The following GOLGA3 variants were observed in gnomAD, a reference collection of about 807,000 sequenced individuals.
GOLGA3 encodes the protein golgin A3.
In GOLGA3, 75 loss-of-function variants were observed where a neutral mutation model predicts 169.4. The ratio of observed to expected loss-of-function variants is 0.44; its 90% CI spans 0.37 to 0.54. The LOEUF is 0.54. Among genes scored for constraint, GOLGA3 ranks in the 20% least tolerant of loss-of-function variants. GOLGA3 has a pLI of 0.00. For synonymous variants in GOLGA3, 824 were observed against 822.4 expected (o/e 1.00, Z -0.03); for missense variants, 1,899 against 1,930.0 (o/e 0.98, Z 0.30).
rs2044882550 is a variant in GOLGA3 at position 132,771,191 on chromosome 12, T to A, written c.*1914A>T. Reference sequence around the variant, plus strand: ...TTTAAATACCAAACATCTTTGTGGTTAATGCTACCTTAACCTTACCAATTA... The same window carrying A: ...TTTAAATACCAAACATCTTTGTGGTAAATGCTACCTTAACCTTACCAATTA... On this transcript the variant is annotated 3_prime_UTR_variant, in exon 24 of 24. Transcript: ENST00000450791. The A allele has an allele frequency of 6.5e-6, 1 of 152,678 alleles. No homozygotes were observed. Among genetic ancestry groups the A allele is most frequent in the Non-Finnish European group, 1.5e-5 (1 of 68,054 alleles). The allele number at this position is 152,678 out of a possible 1,614,324, so 9.5% of individuals were successfully genotyped here.
chr12:132,826,239 C>CAAA, intron 1 of GOLGA3: 3 of 983,196 alleles, frequency 3.1e-6, no homozygotes, highest in South Asian at 5.6e-5. Context: ...TTCTCATTCT[C>CAAA]CAAAAAAAAA....
rs371525132 is a variant in GOLGA3 at position 132,821,625 on chromosome 12, C to A, written c.133+371G>T. On this transcript the variant is annotated intron_variant, in intron 2 of 23. Transcript: ENST00000450791. ...CAGCACTTTGAGGCTGAGGCTGAGG[C>A]GGGCGGATCACGAAGTCAGGAGATC... is the stretch of plus-strand genomic sequence containing the variant. Among the ~76,000 whole-genome samples the A allele has an allele frequency of 7.9e-5, 12 of 151,898 alleles. No individual in the cohort carries two copies. The East Asian group carries it at 1.9e-3, about 25-fold the overall frequency.
At chr12:132,809,773 TC>T (rs1472431571) in intron 4 of GOLGA3, among the ~76,000 whole-genome samples, 1 of 152,214 alleles carries the variant, frequency 6.6e-6, no homozygotes, top group African/African-American at 2.4e-5. Context: ...TCATATATAA[TC>T]ATATCTAAGA....
At chr12:132,818,140 C>A (rs928008969) in intron 2 of GOLGA3, among the ~76,000 whole-genome samples, 3 of 150,466 alleles carry the variant, frequency 2.0e-5, no homozygotes, top group East Asian at 2.0e-4. Flanking sequence ...GTGAACCCAC[C>A]CTCCACTCCT....
Position 132,777,943 on chromosome 12 carries a change from A to G in GOLGA3, c.3583-138T>C. On this transcript the variant is annotated intron_variant, in intron 18 of 23. Transcript: ENST00000450791. The surrounding 1 kb of genome is among the most constrained non-coding windows in gnomAD (Gnocchi z 4.7). ...GCGTGTGCTTCTCCACAGGCCTGTC[A>G]AGTTCCTTGTAAAGATGAAACCACC... is the stretch of plus-strand genomic sequence containing the variant. 3.3e-6 allele frequency: 3 copies of G among 915,770 alleles called. No homozygotes were observed. Among genetic ancestry groups the G allele is most frequent in the Non-Finnish European group, 3.2e-6 (2 of 621,288 alleles). 56.7% of individuals were successfully genotyped at this position (915,770 alleles called of 1,614,324 possible).
At chr12:132,818,490 C>T (rs1950084050) in intron 2 of GOLGA3, among the ~76,000 whole-genome samples, 1 of 152,114 alleles carries the variant, frequency 6.6e-6, no homozygotes, top group Non-Finnish European at 1.5e-5. Flanking sequence ...CAAACTCCTC[C>T]CCATTCACCA....
At chr12:132,784,380 C>A in intron 15 of GOLGA3, 73 bp from the exon 16 acceptor site, 1 of 1,304,894 alleles carries the variant, frequency 7.7e-7, no homozygotes, top group Non-Finnish European at 1.1e-6. Context: ...GTGGTGCCGG[C>A]AGGCATGAGG....
At position 132,804,582 on chromosome 12, in the gene GOLGA3, A is replaced by G. The variant is rs2136563743; in HGVS notation, c.1597+134T>C. ...GAGGAAGGAGGGAGCAGCGGGGACC[A>G]GTCGAGGAAGGAGGAGGGAGCAGCA... On this transcript the variant is annotated intron_variant, in intron 7 of 23. Transcript: ENST00000450791. The surrounding 1 kb of genome is among the most constrained non-coding windows in gnomAD (Gnocchi z 4.1). The G allele has an allele frequency of 1.4e-6, 1 of 709,712 alleles. No individual in the cohort carries two copies. The highest frequency in any genetic ancestry group is 2.4e-6 in the Non-Finnish European group (1 of 422,984). The allele number at this position is 709,712 out of a possible 1,614,324, so 44.0% of individuals were successfully genotyped here.
At position 132,813,427 on chromosome 12, in the gene GOLGA3, G is replaced by C; in HGVS notation, c.407-8C>G. 3 of 1,501,162 alleles carry C rather than the reference G, an allele frequency of 2.0e-6. No individual in the cohort carries two copies. In the South Asian group the frequency reaches 3.5e-5, roughly 17 times the overall value. The allele number at this position is 1,501,162 out of a possible 1,614,324, so 93.0% of individuals were successfully genotyped here. A position where few individuals can be genotyped will look rare whatever the true frequency, so the allele number is the denominator to read the frequency against. ...GGGGAGAATCTGTAGAGCCTGCAGT[G>C]GGAAAAGGGCAATTTGGAAACTCAT... On this transcript the variant is annotated splice_polypyrimidine_tract_variant and splice_region_variant and intron_variant, in intron 3 of 23. Coordinates refer to ENST00000450791, the MANE Select transcript of GOLGA3 (RefSeq NM_001389683.1).
intron 12 of GOLGA3, among the ~76,000 whole-genome samples, chr12:132,790,090 G>C (rs112695387): frequency 0.33 from 50,773 of 151,716 alleles, 9,723 homozygotes; most frequent in Non-Finnish European, 0.44. Context: ...CCAGCACTTT[G>C]GGAGGCCAAG....
Position 132,826,172 on chromosome 12 carries a change from T to C in GOLGA3, c.-184+2631A>G, listed in dbSNP as rs921174942. On this transcript the variant is annotated intron_variant, in intron 1 of 23. Transcript: ENST00000450791. ...CAAGGCTGCCAGCACCAAGAAGCAG[T>C]TCCAGAAGTTCTGAGGCTGGACATC... The C allele has an allele frequency of 3.3e-5, 53 of 1,591,224 alleles. No homozygotes were observed. In the African/African-American group the frequency reaches 5.2e-4, roughly 15 times the overall value.
intron 16 of GOLGA3, chr12:132,783,738 C>T (rs547300451): frequency 7.8e-5 from 25 of 322,350 alleles, no homozygotes; most frequent in African/African-American, 3.9e-4. Flanking sequence ...CCACCACACC[C>T]GGCTAATTTT....
At chr12:132,822,785 G>T (rs1409313412) in intron 1 of GOLGA3, among the ~76,000 whole-genome samples, 2 of 152,162 alleles carry the variant, frequency 1.3e-5, no homozygotes, top group Admixed American at 1.3e-4. Context: ...AGCCGGGTGT[G>T]GTGGTGAACA....
intron 6 of GOLGA3, among the ~76,000 whole-genome samples, chr12:132,805,859 A>C (rs1446464158): frequency 6.6e-6 from 1 of 152,234 alleles, no homozygotes; most frequent in Admixed American, 6.5e-5. Flanking sequence ...ACAGAATGCC[A>C]GACGTGTAGA....
intron 2 of GOLGA3, among the ~76,000 whole-genome samples, 185 bp downstream of exon 2, chr12:132,821,811 G>GTA (rs1566148659): frequency 5.2e-5 from 7 of 134,564 alleles, no homozygotes; most frequent in African/African-American, 1.6e-4. Flanking sequence ...CCGAGATCAC[G>GTA]CCACTGCAGT....
intron 21 of GOLGA3, 118 bp from the exon 22 acceptor site, chr12:132,775,423 GA>G: frequency 1.2e-6 from 1 of 860,516 alleles, no homozygotes. Flanking sequence ...CCATCTAGAT[GA>G]TGCCAGTCCA....
Position 132,796,536 on chromosome 12 carries a change from T to C in GOLGA3, c.2100+3A>G, listed in dbSNP as rs779922835. On this transcript the variant is annotated splice_donor_region_variant and intron_variant, in intron 10 of 23. Transcript: ENST00000450791. ...TCCAGCCTGAAGGGCTGCAGGGACTTACCTGCTCCAGCTGCTGCTCCAGGG... is the reference window on the plus strand; with the variant it reads ...TCCAGCCTGAAGGGCTGCAGGGACTCACCTGCTCCAGCTGCTGCTCCAGGG... The C allele has an allele frequency of 1.9e-6, 3 of 1,608,186 alleles. No homozygotes were observed. Among genetic ancestry groups the C allele is most frequent in the African/African-American group, 2.7e-5 (2 of 74,896 alleles).
intron 11 of GOLGA3, among the ~76,000 whole-genome samples, chr12:132,795,185 CAA>C (rs56353207): frequency 9.4e-5 from 12 of 127,798 alleles, no homozygotes; most frequent in Admixed American, 7.9e-5. Context: ...GACTCCATCT[CAA>C]AAAAAAAAAA....
rs576861656 is a variant in GOLGA3, at chr12:132,791,873, A to G, written c.2470-580T>C. 2.1e-5 allele frequency among the ~76,000 whole-genome samples: 3 copies of G among 139,774 alleles called. 1 individual carries two copies. Among genetic ancestry groups the G allele is most frequent in the African/African-American group, 7.8e-5 (3 of 38,656 alleles). 91.7% of individuals were successfully genotyped at this position (139,774 alleles called of 152,430 possible). ...GAGTTGTTACACTGAGGGCTCCAGA[A>G]GGGGACACATCTGCAGAGATGTTAC... On this transcript the variant is annotated intron_variant, in intron 11 of 23. Coordinates refer to ENST00000450791, the MANE Select transcript of GOLGA3 (RefSeq NM_001389683.1).
Sources: allele counts gnomAD v4.1 joint callset (sites outside exome capture counted in the v4.1 genomes callset), GRCh38; gene constraint gnomAD v4.1.1; non-coding constraint Gnocchi (gnomAD v3.1); transcripts MANE v1.5; gene names NCBI Gene and HGNC (gene_info 2026-07-23, HGNC 2026-07-21).